The following CFAP20DC variants were observed in gnomAD, a reference collection of about 807,000 sequenced individuals.
CFAP20DC encodes the protein CFAP20 domain containing, also known as protein CFAP20DC.
A neutral mutation model predicts 101.7 loss-of-function variants in CFAP20DC; 84 were observed. The observed-to-expected ratio is 0.83, with a 90% CI of 0.69 to 0.99. CFAP20DC has a LOEUF of 0.99. CFAP20DC is among the 50% of genes least tolerant of loss of function. The pLI is 0.00. For synonymous variants in CFAP20DC, 359 were observed against 351.2 expected, an observed-to-expected ratio of 1.02 and a Z score of -0.25; for missense variants, 1,007 against 970.3, an observed-to-expected ratio of 1.04 and a Z score of -0.50.
intron 15 of CFAP20DC, among the ~76,000 whole-genome samples, chr3:58,758,714 T>A (rs1211243918): frequency 6.6e-6 from 1 of 151,898 alleles, no homozygotes; most frequent in African/African-American, 2.4e-5. Context: ...CAGGCCCCAG[T>A]GTGTGATTTT....
intron 5 of CFAP20DC, among the ~76,000 whole-genome samples, chr3:58,922,883 C>A (rs2085541516): frequency 6.6e-6 from 1 of 151,748 alleles, no homozygotes; most frequent in Admixed American, 6.6e-5. Flanking sequence ...GTCATATTAT[C>A]CATGACATAA....
At position 58,728,466 on chromosome 3, in the gene CFAP20DC, A is replaced by G. The variant is rs1483529732; in HGVS notation, c.198-10838T>C. Reference sequence around the variant, plus strand: ...TTTACGTGATTTGTAAAAACTTCACATGGCTGCAAGAGAAGATATTCTTTC... The same window carrying G: ...TTTACGTGATTTGTAAAAACTTCACGTGGCTGCAAGAGAAGATATTCTTTC... On this transcript the variant is annotated intron_variant, in intron 3 of 3. Coordinates refer to the CFAP20DC transcript ENST00000486145. This position sits in a 1 kb window ranked among gnomAD's most constrained non-coding sequence, Gnocchi z 4.7. Among the ~76,000 whole-genome samples the G allele has an allele frequency of 1.3e-5, 2 of 152,236 alleles. No individual in the cohort carries two copies. Among genetic ancestry groups the G allele is most frequent in the Non-Finnish European group, 2.9e-5 (2 of 68,044 alleles).
At chr3:58,785,474 G>A (rs1310253544) in intron 15 of CFAP20DC, among the ~76,000 whole-genome samples, 1 of 151,932 alleles carries the variant, frequency 6.6e-6, no homozygotes, top group Non-Finnish European at 1.5e-5. Context: ...TATTCAAGAT[G>A]GATACCCCAA....
At chr3:58,878,881 A>G (rs142841301) in intron 7 of CFAP20DC, among the ~76,000 whole-genome samples, 150 of 152,094 alleles carry the variant, frequency 9.9e-4, no homozygotes, top group African/African-American at 2.9e-3. Context: ...GGTGGTGGGC[A>G]CCTGTAGTCC....
chr3:58,843,468 G>A (rs1286249171), intron 13 of CFAP20DC, among the ~76,000 whole-genome samples: 8 of 151,146 alleles, frequency 5.3e-5, no homozygotes, highest in East Asian at 2.0e-4. Flanking sequence ...AGAGAAAAAA[G>A]AATAAAAAGA....
At chr3:58,925,131 AT>A (rs201043293) in intron 5 of CFAP20DC, among the ~76,000 whole-genome samples, 4 of 150,372 alleles carry the variant, frequency 2.7e-5, no homozygotes, top group South Asian at 2.1e-4. Context: ...CTAGTCCCTG[AT>A]TTTTTTTTCT....
intron 15 of CFAP20DC, among the ~76,000 whole-genome samples, chr3:58,755,440 CAAT>C (rs748202698): frequency 1.4e-4 from 21 of 152,098 alleles, no homozygotes; most frequent in Non-Finnish European, 2.9e-4. Context: ...CCTCATTACT[CAAT>C]AAGGGTGATG....
chr3:58,921,482 A>G (rs1309886711), intron 5 of CFAP20DC, among the ~76,000 whole-genome samples: 1 of 151,702 alleles, frequency 6.6e-6, no homozygotes, highest in South Asian at 2.1e-4. Flanking sequence ...CTAATATTCT[A>G]ATTTTTTTTT....
intron 4 of CFAP20DC, among the ~76,000 whole-genome samples, chr3:59,031,449 TAA>T (rs1312026928): frequency 6.6e-6 from 1 of 152,198 alleles, no homozygotes; most frequent in East Asian, 1.9e-4. Flanking sequence ...ACACTGAAAA[TAA>T]AGTTTTGTGT....
chr3:58,970,447 G>A (rs1377253576), intron 4 of CFAP20DC: 3 of 152,188 alleles, frequency 2.0e-5, no homozygotes, highest in African/African-American at 7.2e-5. Context: ...AAAGGAATCC[G>A]AAAGACTGCT....
chr3:58,982,771 T>C (rs2092612490), intron 4 of CFAP20DC, among the ~76,000 whole-genome samples: 1 of 150,396 alleles, frequency 6.6e-6, no homozygotes, highest in Non-Finnish European at 1.5e-5. Flanking sequence ...GACGAGTTAA[T>C]GGGTGCAGCA....
rs1300219918 is a variant in CFAP20DC, at chr3:58,788,794, T to A, written c.2237+17601A>T. Among the ~76,000 whole-genome samples the A allele has an allele frequency of 1.3e-5, 2 of 152,214 alleles. No homozygotes were observed. The highest frequency in any genetic ancestry group is 2.1e-4 in the South Asian group (1 of 4,820). On this transcript the variant is annotated intron_variant, in intron 15 of 16. Transcript: ENST00000482387. The surrounding 1 kb of genome is among the most constrained non-coding windows in gnomAD (Gnocchi z 4.2). ...TGTTTCCACATCTGGAATATGGGAA[T>A]AAGAGAACTGACCCTACTGGGTTGT...
At chr3:58,839,951 C>A (rs757171884) in intron 13 of CFAP20DC, among the ~76,000 whole-genome samples, 9 of 152,292 alleles carry the variant, frequency 5.9e-5, no homozygotes, top group Non-Finnish European at 1.2e-4. Flanking sequence ...CACCATTTTG[C>A]CTTTGCAACC....
At chr3:58,842,620 G>C (rs989437195) in intron 13 of CFAP20DC, among the ~76,000 whole-genome samples, 1 of 152,216 alleles carries the variant, frequency 6.6e-6, no homozygotes, top group Non-Finnish European at 1.5e-5. Context: ...CTTGATTAGG[G>C]AAACAAAGCA....
At chr3:58,976,428 C>A (rs2092278979) in intron 4 of CFAP20DC, among the ~76,000 whole-genome samples, 1 of 152,166 alleles carries the variant, frequency 6.6e-6, no homozygotes, top group Non-Finnish European at 1.5e-5. Context: ...AGGGCAGCAG[C>A]ACCAGCTGAG....
At chr3:58,860,746 A>G (rs77036050) in intron 12 of CFAP20DC, among the ~76,000 whole-genome samples, 2,009 of 152,320 alleles carry the variant, frequency 0.013, 25 homozygotes, top group Non-Finnish European at 0.023. Flanking sequence ...AAAATACAAA[A>G]TAGAGACAAT....
chr3:58,723,875 GT>G (rs536380746), intron 3 of CFAP20DC, among the ~76,000 whole-genome samples: 3 of 152,160 alleles, frequency 2.0e-5, no homozygotes, highest in Non-Finnish European at 2.9e-5. Context: ...AATAAAAAAT[GT>G]TTTTTTATGG....
rs192674130 is a variant in CFAP20DC, at chr3:58,816,638, T to G, written c.2176-10182A>C. ...TATCCCACACCTGGCTCGAGGGTCC[T>G]ACGCCCACGGAATCTTGCTGATTGC... On this transcript the variant is annotated intron_variant, in intron 14 of 16. Transcript: ENST00000482387. 4.0e-3 allele frequency among the ~76,000 whole-genome samples: 611 copies of G among 152,248 alleles called. 8 individuals carry two copies. The highest frequency in any genetic ancestry group is 9.8e-3 in the South Asian group (47 of 4,816).
intron 4 of CFAP20DC, among the ~76,000 whole-genome samples, chr3:59,013,050 C>G (rs1425683365): frequency 6.6e-6 from 1 of 152,114 alleles, no homozygotes. Context: ...GAGGAGAGAG[C>G]AACACACCAA....
Sources: gnomAD v4.1 joint callset for allele counts (sites outside exome capture counted in the v4.1 genomes callset) on GRCh38, gnomAD v4.1.1 for gene constraint, Gnocchi (gnomAD v3.1) non-coding constraint, MANE v1.5 for transcripts, NCBI Gene and HGNC (gene_info 2026-07-23, HGNC 2026-07-21) for gene names.